The following PSD2 variants were observed in gnomAD, a reference collection of about 807,000 sequenced individuals.
The protein encoded by PSD2 is pleckstrin and Sec7 domain containing 2.
A neutral mutation model predicts 69.8 loss-of-function variants in PSD2; 38 were observed. The ratio of observed to expected loss-of-function variants is 0.54; its 90% confidence interval spans 0.42 to 0.71. The LOEUF (loss-of-function observed/expected upper bound fraction) is 0.71, where lower values mean the gene tolerates loss of function less well. Ranked by LOEUF, PSD2 falls within the 30% of genes least tolerant of loss-of-function variation. PSD2 has a pLI of 0.00. For synonymous variants in PSD2, 412 were observed against 423.0 expected, an observed-to-expected ratio of 0.97 and a Z score of 0.32; for missense variants, 943 against 1,014.5, an observed-to-expected ratio of 0.93 and a Z score of 0.96.
chr5:139,766,504 G>T, the PSD2 span, among the ~76,000 whole-genome samples: 2 of 152,174 alleles, frequency 1.3e-5, no homozygotes, highest in East Asian at 1.9e-4. Flanking sequence ...TGGGGGAAAT[G>T]GATGGAGCTA....
At chr5:139,754,823 G>A in the PSD2 span, among the ~76,000 whole-genome samples, 2 of 152,170 alleles carry the variant, frequency 1.3e-5, no homozygotes, top group Non-Finnish European at 2.9e-5. Context: ...GCTGCAGTGA[G>A]CTGTGATTGC....
chr5:139,833,717 A>T lies in PSD2; in HGVS notation c.1285A>T (p.Met429Leu), dbSNP rs1044159390. The change falls in exon 8 of 15, where the codon ATG becomes TTG. Residue 429 changes from methionine (M) to leucine (L), a missense_variant. Met to Leu is a conservative substitution (Grantham distance 15). Coordinates refer to ENST00000274710, the MANE Select transcript of PSD2 (RefSeq NM_032289.4). ...DLHGHNIGKK[M>L]SCQQFIANLD... is the part of the protein sequence containing the mutation. ...TCCATTACAGAACATTGGCAAAAAG[A>T]TGTCCTGTCAGCAATTCATTGCCAA... is the stretch of plus-strand genomic sequence containing the variant. 1.3e-5 allele frequency: 21 copies of T among 1,613,948 alleles called. No homozygotes were observed. Among genetic ancestry groups the T allele is most frequent in the Non-Finnish European group, 1.8e-5 (21 of 1,179,798 alleles).
At chr5:139,774,533 C>G in the PSD2 span, among the ~76,000 whole-genome samples, 1 of 152,214 alleles carries the variant, frequency 6.6e-6, no homozygotes, top group East Asian at 1.9e-4. Context: ...CTCTGTCACC[C>G]AGGCTGGAGT....
Position 139,837,942 on chromosome 5 carries a change from T to C in PSD2, c.1823+160T>C, listed in dbSNP as rs1176289279. 6.6e-6 allele frequency among the ~76,000 whole-genome samples: 1 copy of C among 152,148 alleles called. No homozygotes were observed. Among genetic ancestry groups the C allele is most frequent in the Non-Finnish European group, 1.5e-5 (1 of 68,014 alleles). ...CTCCAAAGCAGTGGTTCCCAATGTG[T>C]GGTTCCCCTCAGCATCATTTGCAGT... On this transcript the variant is annotated intron_variant, in intron 12 of 14. Coordinates refer to ENST00000274710, the MANE Select transcript of PSD2 (RefSeq NM_032289.4). The surrounding 1 kb of genome is among the most constrained non-coding windows in gnomAD (Gnocchi z 5.0).
intron 1 of PSD2, among the ~76,000 whole-genome samples, chr5:139,804,950 TGC>T (rs541534332): frequency 5.5e-4 from 83 of 151,748 alleles, no homozygotes; most frequent in African/African-American, 2.0e-3. Context: ...TCTGCACGTG[TGC>T]GTGTGTATGT....
rs1218798897 is a variant in PSD2, at chr5:139,814,451, G to T, written c.1016+87G>T. 1 of 1,266,618 alleles carries T rather than the reference G, an allele frequency of 7.9e-7. No individual in the cohort carries two copies. The highest frequency in any genetic ancestry group is 1.1e-6 in the Non-Finnish European group (1 of 943,674). 78.5% of individuals were successfully genotyped at this position (1,266,618 alleles called of 1,614,324 possible). A position where few individuals can be genotyped will look rare whatever the true frequency, so the allele number is the denominator to read the frequency against. Reference sequence around the variant, plus strand: ...AGGGTGTGGGTGACCTTCTTCAGGGGTGCCAGGTGCTGGGGGGGCACTCCC... The same window carrying T: ...AGGGTGTGGGTGACCTTCTTCAGGGTTGCCAGGTGCTGGGGGGGCACTCCC... On this transcript the variant is annotated intron_variant, in intron 4 of 14. Transcript: ENST00000274710. The surrounding 1 kb of genome is among the most constrained non-coding windows in gnomAD (Gnocchi z 4.4).
chr5:139,825,882 G>A (rs1376189777), intron 7 of PSD2, among the ~76,000 whole-genome samples: 1 of 152,194 alleles, frequency 6.6e-6, no homozygotes, highest in Admixed American at 6.5e-5. Flanking sequence ...CCATGTCCCT[G>A]CAGAGAGAAC....
At position 139,842,937 on chromosome 5, in the gene PSD2, A is replaced by G. The variant is rs1351217670; in HGVS notation, c.*463A>G. 6 of 160,632 alleles carry G rather than the reference A, an allele frequency of 3.7e-5. No homozygotes were observed. The East Asian group carries it at 9.1e-4, about 24-fold the overall frequency. 10.0% of individuals were successfully genotyped at this position (160,632 alleles called of 1,614,324 possible). A position where few individuals can be genotyped will look rare whatever the true frequency, so the allele number is the denominator to read the frequency against. ...AGCAGCAGGTCTGCCGACCACCAGC[A>G]CCATCCTCTCCTCCCAGCAGCCTCC... On this transcript the variant is annotated 3_prime_UTR_variant, in exon 15 of 15. Coordinates refer to ENST00000274710, the MANE Select transcript of PSD2 (RefSeq NM_032289.4).
chr5:139,839,433 C>T lies in PSD2; in HGVS notation c.1969-594C>T, dbSNP rs1300970646. 1.3e-5 allele frequency among the ~76,000 whole-genome samples: 2 copies of T among 152,258 alleles called. No individual in the cohort carries two copies. The highest frequency in any genetic ancestry group is 4.8e-5 in the African/African-American group (2 of 41,470). The stretch of plus-strand genomic sequence containing the variant: ...CCATACACATTCACATGTGTAAACA[C>T]ACAGGTGGTGACTCATACACACATG... On this transcript the variant is annotated intron_variant, in intron 13 of 14. Transcript: ENST00000274710. The surrounding 1 kb of genome is among the most constrained non-coding windows in gnomAD (Gnocchi z 5.1).
At chr5:139,779,697 G>A in the PSD2 span, among the ~76,000 whole-genome samples, 1 of 152,120 alleles carries the variant, frequency 6.6e-6, no homozygotes. Flanking sequence ...CTAGTTTCCC[G>A]GTTGCCCCCA....
In PSD2 at chr5:139,826,849, G is replaced by A. The variant is rs551791068; in HGVS notation, c.1269+4065G>A. 9.9e-5 allele frequency among the ~76,000 whole-genome samples: 15 copies of A among 152,278 alleles called. No homozygotes were observed. In the East Asian group the frequency reaches 2.5e-3, roughly 25 times the overall value. On this transcript the variant is annotated intron_variant, in intron 7 of 14. Coordinates refer to ENST00000274710, the MANE Select transcript of PSD2 (RefSeq NM_032289.4). ...AGCCTGGCTTCCCCTACATGGGCCC[G>A]ATAGATGCAGCAATTCCAGGCCTCA...
At chr5:139,747,846 G>T in the PSD2 span, among the ~76,000 whole-genome samples, 2 of 152,374 alleles carry the variant, frequency 1.3e-5, no homozygotes, top group African/African-American at 4.8e-5. The surrounding 1 kb of genome is among the most constrained non-coding windows in gnomAD (Gnocchi z 6.7). Flanking sequence ...AGGAGGGGGT[G>T]TAGGGGGAGG....
chr5:139,823,422 T>C (rs951933657), intron 7 of PSD2, among the ~76,000 whole-genome samples: 1 of 152,172 alleles, frequency 6.6e-6, no homozygotes, highest in African/African-American at 2.4e-5. Flanking sequence ...CTCTGCCCCA[T>C]CATTGCTCAC....
At chr5:139,793,899 C>A (rs1759463123), upstream of PSD2, among the ~76,000 whole-genome samples, 1 of 152,196 alleles carries the variant, frequency 6.6e-6, no homozygotes, top group South Asian at 2.1e-4. Flanking sequence ...AGTAGGAGCC[C>A]AGAAAGGTGG....
chr5:139,752,845 G>C, the PSD2 span, among the ~76,000 whole-genome samples: 3 of 152,272 alleles, frequency 2.0e-5, no homozygotes, highest in East Asian at 5.8e-4. Context: ...GGCTCTAATT[G>C]AGTCGAGGGT....
chr5:139,816,242 T>C (rs1760120590), intron 4 of PSD2, among the ~76,000 whole-genome samples: 1 of 152,210 alleles, frequency 6.6e-6, no homozygotes, highest in Admixed American at 6.5e-5. Context: ...TTTTACATAA[T>C]CATGATTCTA....
intron 2 of PSD2, among the ~76,000 whole-genome samples, chr5:139,811,476 T>G (rs62383871): frequency 1.3e-5 from 2 of 152,088 alleles, no homozygotes; most frequent in Admixed American, 1.3e-4. Flanking sequence ...AGGGGAGTGC[T>G]TCTTTGCACA....
At chr5:139,789,657 T>C in the PSD2 span, among the ~76,000 whole-genome samples, 1 of 152,110 alleles carries the variant, frequency 6.6e-6, no homozygotes, top group Non-Finnish European at 1.5e-5. Flanking sequence ...ATATGAGTGC[T>C]TCAGTAAATG....
chr5:139,782,308 C>G, the PSD2 span, among the ~76,000 whole-genome samples: 1 of 152,032 alleles, frequency 6.6e-6, no homozygotes, highest in African/African-American at 2.4e-5. Context: ...CTCAGCCTCC[C>G]AAGTAGCTGG....
Sources: gnomAD v4.1 joint callset for allele counts (sites outside exome capture counted in the v4.1 genomes callset) on GRCh38, gnomAD v4.1.1 for gene constraint, Gnocchi (gnomAD v3.1) non-coding constraint, MANE v1.5 for transcripts, NCBI Gene and HGNC (gene_info 2026-07-23, HGNC 2026-07-21) for gene names.